The following URB2 variants were observed in gnomAD, a reference collection of about 807,000 sequenced individuals.
URB2 encodes the protein unhealthy ribosome biogenesis protein 2 homolog.
Under a neutral mutation model 120.9 loss-of-function variants are expected in URB2, and 86 were observed. The ratio of observed to expected loss-of-function variants is 0.71; its 90% confidence interval spans 0.60 to 0.85. The LOEUF is 0.85. Among genes scored for constraint, URB2 ranks in the 40% least tolerant of loss-of-function variants. The pLI, the probability that URB2 is intolerant of heterozygous loss-of-function variation, is 0.00. For synonymous variants in URB2, 755 were observed against 758.4 expected, an observed-to-expected ratio of 1.00 and a Z score of 0.07; for missense variants, 1,765 against 1,836.5, an observed-to-expected ratio of 0.96 and a Z score of 0.71.
intron 2 of URB2, among the ~76,000 whole-genome samples, chr1:229,628,111 A>ATATATGTATATATG (rs1558160004): frequency 7.4e-6 from 1 of 134,328 alleles, no homozygotes; most frequent in African/African-American, 2.9e-5. Flanking sequence ...TTATATATGT[A>ATATATGTATATATG]TATATATGTA....
Position 229,636,591 on chromosome 1 carries a change from G to A in URB2, c.1978G>A (p.Glu660Lys). ...GVKTQHWKKI[E>K]KFTAQFSSLG... ...AAAAACACAGCATTGGAAGAAGATAGAGAAGTTTACAGCTCAGTTCAGCTC... is the reference window on the plus strand; with the variant it reads ...AAAAACACAGCATTGGAAGAAGATAAAGAAGTTTACAGCTCAGTTCAGCTC... Residue 660 changes from glutamate to lysine, a missense_variant, in exon 4 of 10, where the codon GAG becomes AAG. Transcript: ENST00000258243. 6.2e-7 allele frequency: 1 copy of A among 1,614,206 alleles called. No individual in the cohort carries two copies. The highest frequency in any genetic ancestry group is 1.1e-5 in the South Asian group (1 of 91,074).
chr1:229,643,421 A>T, intron 4 of URB2, 112 bp from the exon 5 acceptor site: 1 of 1,245,302 alleles, frequency 8.0e-7, no homozygotes, highest in Non-Finnish European at 1.1e-6. Context: ...CCATGCCCCT[A>T]ACTTGGTGAT....
In URB2 at chr1:229,659,452, T is replaced by A. The variant is rs1571887284; in HGVS notation, c.*155T>A. 1 of 709,886 alleles carries A rather than the reference T, an allele frequency of 1.4e-6. No homozygotes were observed. The highest frequency in any genetic ancestry group is 2.2e-6 in the Non-Finnish European group (1 of 458,248). The allele number at this position is 709,886 out of a possible 1,614,324, so 44.0% of individuals were successfully genotyped here. ...GGTTTATGTAGTATATTTTGATGTA[T>A]TTTACATCGTGTTTTTCTTACTATT... On this transcript the variant is annotated 3_prime_UTR_variant, in exon 10 of 10. Coordinates refer to ENST00000258243, the MANE Select transcript of URB2 (RefSeq NM_014777.4).
intron 9 of URB2, among the ~76,000 whole-genome samples, chr1:229,655,480 C>T (rs1304985322): frequency 3.3e-5 from 5 of 152,178 alleles, no homozygotes; most frequent in Admixed American, 6.5e-5. Flanking sequence ...GTAATCCACC[C>T]GCCTTGGCCT....
At position 229,638,160 on chromosome 1, in the gene URB2, ACT is replaced by A. The variant is rs777822060; in HGVS notation, c.3550_3551del (p.Leu1184ValfsTer30). 8.1e-6 allele frequency: 13 copies of A among 1,613,524 alleles called. No individual in the cohort carries two copies. Among genetic ancestry groups the A allele is most frequent in the East Asian group, 2.2e-5 (1 of 44,862 alleles). ...TTTTCAGGCAGCCTTGCAGTTTTTG[ACT>A]CTGTTCTTTTTGGCCCCAGAACTGC... ...QSFQAALQFL[T>X]LFFLAPELHP... is the part of the protein sequence containing the mutation. On this transcript the variant is annotated frameshift_variant, in exon 4 of 10. Transcript: ENST00000258243. LOFTEE classifies it high-confidence loss of function.
intron 3 of URB2, among the ~76,000 whole-genome samples, chr1:229,633,343 A>C (rs1479231275): frequency 6.6e-6 from 1 of 152,220 alleles, no homozygotes; most frequent in African/African-American, 2.4e-5. Context: ...ATGGGAAGAA[A>C]ATCTTAGAAT....
intron 9 of URB2, among the ~76,000 whole-genome samples, chr1:229,658,735 G>A (rs1182319832): frequency 2.0e-5 from 3 of 152,086 alleles, no homozygotes; most frequent in African/African-American, 7.2e-5. Context: ...CAATGGGCAG[G>A]CAGCTTATCT....
In URB2 at chr1:229,635,242, A is replaced by T; in HGVS notation, c.629A>T (p.His210Leu). 6.2e-7 allele frequency: 1 copy of T among 1,614,222 alleles called. No individual in the cohort carries two copies. Among genetic ancestry groups the T allele is most frequent in the Admixed American group, 1.7e-5 (1 of 60,028 alleles). ...CTCCAGCCGTGCCTGGTCCTGAGGCACTTACTCTCTGGGGGCACATGGACG... is the reference window on the plus strand; with the variant it reads ...CTCCAGCCGTGCCTGGTCCTGAGGCTCTTACTCTCTGGGGGCACATGGACG... ...HLLQPCLVLR[H>L]LLSGGTWTQA... The change falls in exon 4 of 10, where the codon CAC becomes CTC. Residue 210 changes from histidine (H) to leucine (L), a missense_variant. Physicochemically the swap from His to Leu is moderately conservative, Grantham distance 99 (BLOSUM62 -3). Transcript: ENST00000258243.
At chr1:229,627,387 C>G (rs1252128934) in intron 1 of URB2, among the ~76,000 whole-genome samples, 1 of 152,184 alleles carries the variant, frequency 6.6e-6, no homozygotes, top group African/African-American at 2.4e-5. Context: ...AGTCCATCTT[C>G]TGTGTGTGCA....
intron 2 of URB2, among the ~76,000 whole-genome samples, chr1:229,631,032 A>G (rs189536201): frequency 1.1e-4 from 17 of 151,808 alleles, no homozygotes; most frequent in Non-Finnish European, 1.5e-5. Context: ...ATCTTCCAAT[A>G]GAAGGCTGTT....
chr1:229,659,051 T>TTGATCTC, intron 9 of URB2, 49 bp from the exon 10 acceptor site: 1 of 1,579,610 alleles, frequency 6.3e-7, no homozygotes, highest in East Asian at 2.3e-5. Flanking sequence ...GTGGTGCGGC[T>TTGATCTC]TGATCTCTGC....
At position 229,634,799 on chromosome 1, in the gene URB2, T is replaced by C; in HGVS notation, c.304-118T>C. The C allele has an allele frequency of 7.3e-6, 7 of 954,440 alleles. No homozygotes were observed. In the South Asian group the frequency reaches 2.1e-4, roughly 28 times the overall value. 59.1% of individuals were successfully genotyped at this position (954,440 alleles called of 1,614,324 possible). ...ATTGAAATATGGTAATCTGGGCATT[T>C]CTTTCTTACCAAGATGAGGGAAAGG... On this transcript the variant is annotated intron_variant, in intron 3 of 9. Coordinates refer to ENST00000258243, the MANE Select transcript of URB2 (RefSeq NM_014777.4).
At chr1:229,649,297 T>C (rs1232858911) in intron 7 of URB2, among the ~76,000 whole-genome samples, 1 of 152,224 alleles carries the variant, frequency 6.6e-6, no homozygotes, top group Admixed American at 6.5e-5. Flanking sequence ...TGTTAACAAT[T>C]GCCTTTGACC....
Position 229,636,693 on chromosome 1 carries a change from G to C in URB2, c.2080G>C (p.Glu694Gln). Residue 694 changes from glutamate (E) to glutamine (Q), a missense_variant, in exon 4 of 10, where the codon GAA becomes CAA. Coordinates refer to ENST00000258243, the MANE Select transcript of URB2 (RefSeq NM_014777.4). ...TTTAATGCAAACTAGTTTCCGGTCT[G>C]AAGGAGCCATCCAAAGTTTGAGGTG... ...RTLMQTSFRS[E>Q]GAIQSLRCDA... The C allele has an allele frequency of 6.2e-7, 1 of 1,614,132 alleles. No individual in the cohort carries two copies. The highest frequency in any genetic ancestry group is 1.1e-5 in the South Asian group (1 of 91,068).
At chr1:229,653,565 T>G (rs1293051858) in intron 8 of URB2, among the ~76,000 whole-genome samples, 1 of 152,182 alleles carries the variant, frequency 6.6e-6, no homozygotes, top group Admixed American at 6.6e-5. Flanking sequence ...GCAGGGAAGG[T>G]GCTCTGGTGT....
At chr1:229,646,207 G>A (rs1414834181) in intron 6 of URB2, among the ~76,000 whole-genome samples, 1 of 152,200 alleles carries the variant, frequency 6.6e-6, no homozygotes, top group Admixed American at 6.5e-5. Flanking sequence ...GTAGCACTGG[G>A]AAGCATCAGA....
intron 8 of URB2, among the ~76,000 whole-genome samples, chr1:229,652,113 C>T (rs1003513523): frequency 3.3e-5 from 5 of 151,598 alleles, no homozygotes; most frequent in African/African-American, 1.2e-4. Context: ...GCCCGGGAGG[C>T]GGAGGTTGCA....
Position 229,632,267 on chromosome 1 carries a change from A to G in URB2, c.127-2A>G, listed in dbSNP as rs1223487934. ...TTCAGTGTATGTGTCCTTCAAATTC[A>G]GGTGTTACTTGATTGGGCAAGACAA... On this transcript the variant is annotated splice_acceptor_variant, in intron 2 of 9. Transcript: ENST00000258243. LOFTEE classifies it high-confidence loss of function. The G allele has an allele frequency of 2.6e-6, 4 of 1,543,306 alleles. No homozygotes were observed. Among genetic ancestry groups the G allele is most frequent in the Non-Finnish European group, 3.5e-6 (4 of 1,155,314 alleles).
At chr1:229,631,378 G>A (rs1665663307) in intron 2 of URB2, among the ~76,000 whole-genome samples, 1 of 152,222 alleles carries the variant, frequency 6.6e-6, no homozygotes, top group Admixed American at 6.5e-5. Context: ...GTTCACTGGA[G>A]TAACACTTTT....
Sources: allele counts gnomAD v4.1 joint callset (sites outside exome capture counted in the v4.1 genomes callset), GRCh38; gene constraint gnomAD v4.1.1; transcripts MANE v1.5; gene names NCBI Gene and HGNC (gene_info 2026-07-23, HGNC 2026-07-21).